Variants in SRRT observed in about 807,000 individuals in gnomAD.
SRRT encodes the protein serrate RNA effector molecule homolog.
A neutral mutation model predicts 103.2 loss-of-function variants in SRRT; 32 were observed. The observed-to-expected ratio is 0.31, with a 90% CI of 0.23 to 0.42. The LOEUF is 0.42. Ranked by LOEUF, SRRT falls within the 10% of genes least tolerant of loss-of-function variation. The pLI, the probability that SRRT is intolerant of heterozygous loss-of-function variation, is 1.00. For missense variants in SRRT, 986 were observed against 1,207.5 expected, an observed-to-expected ratio of 0.82 and a Z score of 2.72; for synonymous variants, 525 against 449.0, an observed-to-expected ratio of 1.17 and a Z score of -2.14.
chr7:100,886,725 T>C lies in SRRT; in HGVS notation c.1648-70T>C. On this transcript the variant is annotated intron_variant, in intron 13 of 19. Transcript: ENST00000611405. ...TCCTGTCCCCTCGCTGCTCTTTCAC[T>C]TGTGGAAAGTCTCAGGTTACCTCCT... 9 of 1,549,790 alleles carry C rather than the reference T, an allele frequency of 5.8e-6. No homozygotes were observed. The South Asian group carries it at 9.2e-5, about 16-fold the overall frequency.
chr7:100,885,747 C>G lies in SRRT; in HGVS notation c.1364C>G (p.Pro455Arg). The G allele has an allele frequency of 6.2e-7, 1 of 1,613,976 alleles. No individual in the cohort carries two copies. The highest frequency in any genetic ancestry group is 8.5e-7 in the Non-Finnish European group (1 of 1,179,948). Residue 455 changes from proline (P) to arginine (R), a missense_variant, in exon 11 of 20, where the codon CCC becomes CGC. Around this residue, in one of 6 missense-constraint regions of SRRT, gnomAD observed 349 missense variants for 446.9 expected, o/e 0.78. Transcript: ENST00000611405. This position sits in a 1 kb window ranked among gnomAD's most constrained non-coding sequence, Gnocchi z 4.8. ...PGFMRVALSE[P>R]QPERRFFRRG... ...TTTATGCGGGTGGCGCTCTCAGAGC[C>G]CCAGCCAGAGAGGAGGTGAGTAACT...
rs764395783 is a variant in SRRT, at chr7:100,885,223, CAAG to C, written c.1171_1173del (p.Lys391del). Reference sequence around the variant, plus strand: ...CCCCTTCCTGCCTAGAAGAAGCGCTCAAGGAGAAGGAGAAGCCCAAGGAAGAAG... The same window carrying C: ...CCCCTTCCTGCCTAGAAGAAGCGCTCGAGAAGGAGAAGCCCAAGGAAGAAG... On this transcript the variant is annotated inframe_deletion, in exon 10 of 20. Transcript: ENST00000611405. This position sits in a 1 kb window ranked among gnomAD's most constrained non-coding sequence, Gnocchi z 4.8. 6.2e-7 allele frequency: 1 copy of C among 1,613,888 alleles called. No homozygotes were observed. The highest frequency in any genetic ancestry group is 1.7e-5 in the Admixed American group (1 of 59,980).
At chr7:100,880,325 T>C (rs750165818) in intron 2 of SRRT, among the ~76,000 whole-genome samples, 2 of 152,064 alleles carry the variant, frequency 1.3e-5, no homozygotes, top group Non-Finnish European at 2.9e-5. Flanking sequence ...GTGGGGGGGA[T>C]GAAGTCTTGC....
Position 100,884,393 on chromosome 7 carries a change from GGAGAAT to G in SRRT, c.786_791del (p.Glu262_Asn263del), listed in dbSNP as rs1563018937. ...CCGTGATTAAGATGGAAGGAGGCAC[GGAGAAT>G]GATCTTCGCATCCTGGAGCAGGAGG... On this transcript the variant is annotated inframe_deletion, in exon 7 of 20. Coordinates refer to ENST00000611405, the MANE Select transcript of SRRT (RefSeq NM_015908.6). 1.2e-6 allele frequency: 2 copies of G among 1,613,652 alleles called. No homozygotes were observed. Among genetic ancestry groups the G allele is most frequent in the Non-Finnish European group, 1.7e-6 (2 of 1,179,868 alleles).
At chr7:100,880,527 G>C (rs1229269972) in intron 2 of SRRT, among the ~76,000 whole-genome samples, 1 of 152,128 alleles carries the variant, frequency 6.6e-6, no homozygotes, top group African/African-American at 2.4e-5. Context: ...GGATGGTCTC[G>C]ATCTCCTGAC....
At chr7:100,886,992 G>T (rs200367428) in intron 14 of SRRT, 24 bp downstream of exon 14, 1 of 1,609,880 alleles carries the variant, frequency 6.2e-7, no homozygotes, top group Non-Finnish European at 8.5e-7. Context: ...CGCGGGGCAC[G>T]TGGGGGCTCG....
chr7:100,888,589 T>C lies in SRRT; in HGVS notation c.*40T>C, dbSNP rs1014503997. 7 of 1,611,642 alleles carry C rather than the reference T, an allele frequency of 4.3e-6. No homozygotes were observed. Among genetic ancestry groups the C allele is most frequent in the Middle Eastern group, 1.6e-4 (1 of 6,084 alleles). On this transcript the variant is annotated 3_prime_UTR_variant, in exon 20 of 20. Transcript: ENST00000611405. ...CTCAGTCCTGTATCATCCATACTTGTACTACCTTGTCCTATGAAGCTCTGA... is the reference window on the plus strand; with the variant it reads ...CTCAGTCCTGTATCATCCATACTTGCACTACCTTGTCCTATGAAGCTCTGA...
At position 100,886,163 on chromosome 7, in the gene SRRT, C is replaced by A. The variant is rs539853472; in HGVS notation, c.1459-84C>A. 1.1e-5 allele frequency: 16 copies of A among 1,479,446 alleles called. No homozygotes were observed. The African/African-American group carries it at 2.2e-4, about 21-fold the overall frequency. The allele number at this position is 1,479,446 out of a possible 1,614,324, so 91.6% of individuals were successfully genotyped here. A position where few individuals can be genotyped will look rare whatever the true frequency, so the allele number is the denominator to read the frequency against. On this transcript the variant is annotated intron_variant, in intron 12 of 19. Transcript: ENST00000611405. ...CTCGCAGTCTGATCAATCGCTGGTG[C>A]TCAAGAGGGAAGGGTCTTAGAGCTG...
intron 2 of SRRT, among the ~76,000 whole-genome samples, chr7:100,878,792 C>T (rs556107001): frequency 3.3e-5 from 5 of 152,016 alleles, no homozygotes; most frequent in Non-Finnish European, 7.4e-5. Flanking sequence ...CCTTGACTTC[C>T]CCAGGCTTAG....
chr7:100,883,222 C>G (rs1789742027), intron 5 of SRRT: 1 of 152,564 alleles, frequency 6.6e-6, no homozygotes, highest in African/African-American at 2.4e-5. Flanking sequence ...CACCTTCATT[C>G]TTCTCTGTTT....
chr7:100,885,561 C>G lies in SRRT; in HGVS notation c.1318-140C>G. On this transcript the variant is annotated intron_variant, in intron 10 of 19. Transcript: ENST00000611405. This position sits in a 1 kb window ranked among gnomAD's most constrained non-coding sequence, Gnocchi z 4.8. Reference sequence around the variant, plus strand: ...TTTCAGGTGCTGGTGTTCTGAAGCCCTTTAGTGGTTTTTCCCTGCCCAAGG... The same window carrying G: ...TTTCAGGTGCTGGTGTTCTGAAGCCGTTTAGTGGTTTTTCCCTGCCCAAGG... 1 of 1,124,408 alleles carries G rather than the reference C, an allele frequency of 8.9e-7. No homozygotes were observed. 69.7% of individuals were successfully genotyped at this position (1,124,408 alleles called of 1,614,324 possible).
chr7:100,885,662 C>T lies in SRRT; in HGVS notation c.1318-39C>T. The T allele has an allele frequency of 1.3e-6, 2 of 1,577,526 alleles. No individual in the cohort carries two copies. The highest frequency in any genetic ancestry group is 1.7e-6 in the Non-Finnish European group (2 of 1,159,128). On this transcript the variant is annotated intron_variant, in intron 10 of 19. Coordinates refer to ENST00000611405, the MANE Select transcript of SRRT (RefSeq NM_015908.6). This position sits in a 1 kb window ranked among gnomAD's most constrained non-coding sequence, Gnocchi z 4.8. ...GGATTGGAGGAAGAAGCGAATGAATCCTTGAGTCACTGTGGGGCTGCTTTT... is the reference window on the plus strand; with the variant it reads ...GGATTGGAGGAAGAAGCGAATGAATTCTTGAGTCACTGTGGGGCTGCTTTT...
At chr7:100,881,030 CAG>C (rs1276200883) in intron 2 of SRRT, among the ~76,000 whole-genome samples, 1 of 151,418 alleles carries the variant, frequency 6.6e-6, no homozygotes, top group African/African-American at 2.4e-5. Flanking sequence ...TCTGGTATCT[CAG>C]GGTGTAAGAA....
chr7:100,888,073 C>T lies in SRRT; in HGVS notation c.2358C>T (p.Pro786=), dbSNP rs752763279. 6.7e-5 allele frequency: 107 copies of T among 1,585,766 alleles called. No homozygotes were observed. The highest frequency in any genetic ancestry group is 8.8e-5 in the Non-Finnish European group (103 of 1,167,590). Residue 786 remains proline (P), a synonymous_variant, in exon 18 of 20, where the codon CCC becomes CCT. Coordinates refer to ENST00000611405, the MANE Select transcript of SRRT (RefSeq NM_015908.6). ...CCCCAGGTTTGACCCCAGGACTCCC[C>T]TACCCACACCAGACTCCCCAGGGCC... is the stretch of plus-strand genomic sequence containing the variant. ...ILPPGLTPGL[P]YPHQTPQGLM...
rs1790113922 is a variant in SRRT at position 100,886,481 on chromosome 7, C to T, written c.1647+46C>T. 7 of 1,551,186 alleles carry T rather than the reference C, an allele frequency of 4.5e-6. No individual in the cohort carries two copies. In the East Asian group the frequency reaches 1.6e-4, roughly 36 times the overall value. On this transcript the variant is annotated intron_variant, in intron 13 of 19. Coordinates refer to ENST00000611405, the MANE Select transcript of SRRT (RefSeq NM_015908.6). ...CTTTGTCAGAAGCAACTGGTAGTGC[C>T]TCTGCTGTGGGCACCTCTGACCTTA...
chr7:100,885,367 C>A lies in SRRT; in HGVS notation c.1314C>A (p.Ile438=), dbSNP rs143335283. The A allele has an allele frequency of 5.7e-5, 92 of 1,612,960 alleles. No individual in the cohort carries two copies. The Admixed American group carries it at 6.0e-4, about 11-fold the overall frequency. ...CCAACATCTCCCGGGCCGAGATCAT[C>A]TCCGTGAGTGGGGACCCGTGGAGTC... is the stretch of plus-strand genomic sequence containing the variant. ...IAPNISRAEI[I]SLCKRYPGFM... Residue 438 remains isoleucine (I), a synonymous_variant, in exon 10 of 20, where the codon ATC becomes ATA. Transcript: ENST00000611405. This position sits in a 1 kb window ranked among gnomAD's most constrained non-coding sequence, Gnocchi z 4.8.
In SRRT at chr7:100,885,439, G is replaced by A; in HGVS notation, c.1317+69G>A. 1 of 1,511,458 alleles carries A rather than the reference G, an allele frequency of 6.6e-7. No homozygotes were observed. The highest frequency in any genetic ancestry group is 9.0e-7 in the Non-Finnish European group (1 of 1,114,610). The allele number at this position is 1,511,458 out of a possible 1,614,324, so 93.6% of individuals were successfully genotyped here. ...TGGAGGGTAGAGGGAAGGCAGTGGG[G>A]CCCTGCCTGTGACAGATGCCCCCGT... On this transcript the variant is annotated intron_variant, in intron 10 of 19. Coordinates refer to ENST00000611405, the MANE Select transcript of SRRT (RefSeq NM_015908.6). The surrounding 1 kb of genome is among the most constrained non-coding windows in gnomAD (Gnocchi z 4.8).
Position 100,886,498 on chromosome 7 carries a change from C to T in SRRT, c.1647+63C>T, listed in dbSNP as rs963060287. 8.1e-6 allele frequency: 12 copies of T among 1,484,364 alleles called. No individual in the cohort carries two copies. In the African/African-American group the frequency reaches 1.5e-4, roughly 19 times the overall value. The allele number at this position is 1,484,364 out of a possible 1,614,324, so 91.9% of individuals were successfully genotyped here. Reference sequence around the variant, plus strand: ...GGTAGTGCCTCTGCTGTGGGCACCTCTGACCTTACCTATCTGTAGCCTTGA... The same window carrying T: ...GGTAGTGCCTCTGCTGTGGGCACCTTTGACCTTACCTATCTGTAGCCTTGA... On this transcript the variant is annotated intron_variant, in intron 13 of 19. Transcript: ENST00000611405.
At chr7:100,875,864 G>A in intron 2 of SRRT, 152 bp downstream of exon 2, 1 of 926,996 alleles carries the variant, frequency 1.1e-6, no homozygotes, top group Non-Finnish European at 1.6e-6. Context: ...ATTTGCTGTT[G>A]GCCAAATAAC....
Sources: allele counts gnomAD v4.1 joint callset (sites outside exome capture counted in the v4.1 genomes callset), GRCh38; gene constraint gnomAD v4.1.1; regional missense constraint gnomAD v4.1.1; non-coding constraint Gnocchi (gnomAD v3.1); transcripts MANE v1.5; gene names NCBI Gene and HGNC (gene_info 2026-07-23, HGNC 2026-07-21).